SPECC1L: variants seen among roughly 807,000 people sequenced by gnomAD.
The protein encoded by SPECC1L is sperm antigen with calponin homology and coiled-coil domains 1 like.
SPECC1L carries 40 observed loss-of-function variants against 116.8 expected under a neutral mutation model. The ratio of observed to expected loss-of-function variants is 0.34; its 90% CI spans 0.27 to 0.45. The LOEUF (loss-of-function observed/expected upper bound fraction) is 0.45, where lower values mean the gene tolerates loss of function less well. Among genes scored for constraint, SPECC1L ranks in the 20% least tolerant of loss-of-function variants. The pLI, the probability that SPECC1L is intolerant of heterozygous loss-of-function variation, is 1.00. For synonymous variants in SPECC1L, 504 were observed against 500.6 expected, an observed-to-expected ratio of 1.01 and a Z score of -0.09; for missense variants, 1,110 against 1,373.6, an observed-to-expected ratio of 0.81 and a Z score of 3.03.
chr22:24,413,810 C>T (rs1215712640), intron 16 of SPECC1L, among the ~76,000 whole-genome samples: 1 of 152,170 alleles, frequency 6.6e-6, no homozygotes. Flanking sequence ...ACCAAGGGCG[C>T]CCTCCTGATC....
intron 4 of SPECC1L, among the ~76,000 whole-genome samples, chr22:24,314,068 G>A (rs2040512989): frequency 6.7e-6 from 1 of 149,722 alleles, no homozygotes. Context: ...TTTTTGAGAT[G>A]GAGTTTCGCT....
chr22:24,342,805 G>A (rs895089126), intron 10 of SPECC1L, among the ~76,000 whole-genome samples: 2 of 152,138 alleles, frequency 1.3e-5, no homozygotes, highest in Non-Finnish European at 2.9e-5. Context: ...CTGACTTGTG[G>A]GATGAAATTA....
At chr22:24,310,621 A>G (rs2040444076) in intron 3 of SPECC1L, among the ~76,000 whole-genome samples, 1 of 151,970 alleles carries the variant, frequency 6.6e-6, no homozygotes, top group Non-Finnish European at 1.5e-5. Flanking sequence ...GTGTGTTTGT[A>G]AACTGATTGT....
intron 3 of SPECC1L, among the ~76,000 whole-genome samples, chr22:24,304,880 A>G (rs2049459683): frequency 6.6e-6 from 1 of 152,230 alleles, no homozygotes; most frequent in Non-Finnish European, 1.5e-5. Context: ...GACTTAGAGA[A>G]GTATACGTAC....
intron 1 of SPECC1L, among the ~76,000 whole-genome samples, chr22:24,272,476 C>T (rs926138837): frequency 5.9e-5 from 9 of 152,106 alleles, no homozygotes; most frequent in African/African-American, 1.9e-4. Flanking sequence ...AGTTCGATAC[C>T]AGCCTGGCCA....
At chr22:24,359,348 T>G (rs2041597658) in intron 11 of SPECC1L, among the ~76,000 whole-genome samples, 1 of 152,210 alleles carries the variant, frequency 6.6e-6, no homozygotes, top group Non-Finnish European at 1.5e-5. Context: ...CATCAGACTT[T>G]TCTTCTGCAC....
At chr22:24,341,537 T>C (rs2041177285) in intron 10 of SPECC1L, among the ~76,000 whole-genome samples, 5 of 152,182 alleles carry the variant, frequency 3.3e-5, no homozygotes, top group Admixed American at 3.3e-4. Flanking sequence ...CCGTAAAAGA[T>C]CTTTAAAAAT....
At chr22:24,271,770 T>C (rs1210487096) in intron 1 of SPECC1L, among the ~76,000 whole-genome samples, 19 of 152,246 alleles carry the variant, frequency 1.2e-4, no homozygotes, top group Admixed American at 1.2e-3. Context: ...TTTGTTGATA[T>C]CCTTGATCAT....
At chr22:24,315,233 TC>T (rs1265177352) in intron 4 of SPECC1L, among the ~76,000 whole-genome samples, 2 of 152,264 alleles carry the variant, frequency 1.3e-5, no homozygotes, top group African/African-American at 4.8e-5. Context: ...TCCTTCCATT[TC>T]AGATTGGGCC....
chr22:24,314,189 C>T (rs769991526), intron 4 of SPECC1L, among the ~76,000 whole-genome samples: 6 of 152,048 alleles, frequency 3.9e-5, no homozygotes, highest in Admixed American at 1.3e-4. Context: ...GGACTACAGG[C>T]GCCCACCACC....
At chr22:24,310,232 G>A (rs1434563729) in intron 3 of SPECC1L, among the ~76,000 whole-genome samples, 1 of 152,128 alleles carries the variant, frequency 6.6e-6, no homozygotes, top group Non-Finnish European at 1.5e-5. Flanking sequence ...ATTCACTAAA[G>A]TGTACTTCAT....
intron 14 of SPECC1L, among the ~76,000 whole-genome samples, chr22:24,402,828 T>C (rs1459527372): frequency 6.6e-6 from 1 of 152,212 alleles, no homozygotes; most frequent in Non-Finnish European, 1.5e-5. Context: ...GGGAGTATAT[T>C]TTATGGCCCT....
chr22:24,380,156 C>T (rs1298962783), intron 14 of SPECC1L, among the ~76,000 whole-genome samples: 1 of 152,218 alleles, frequency 6.6e-6, no homozygotes, highest in East Asian at 1.9e-4. Context: ...AAGGCGTGAG[C>T]CACTGCACCT....
chr22:24,366,991 C>T (rs752967196), intron 13 of SPECC1L, among the ~76,000 whole-genome samples: 2 of 152,108 alleles, frequency 1.3e-5, no homozygotes, highest in African/African-American at 2.4e-5. Context: ...GTCAGCAGTT[C>T]GAGATCAGCC....
At chr22:24,363,711 AC>A (rs1195119398) in intron 12 of SPECC1L, among the ~76,000 whole-genome samples, 8 of 152,314 alleles carry the variant, frequency 5.3e-5, no homozygotes, top group African/African-American at 1.9e-4. Flanking sequence ...TGATTTAAGG[AC>A]TATAAAGAAT....
At chr22:24,329,063 G>T (rs967314424) in intron 7 of SPECC1L, 144 bp downstream of exon 7, 2 of 707,326 alleles carry the variant, frequency 2.8e-6, no homozygotes. Context: ...GAAAGCAAAT[G>T]CTATCATTTC....
At chr22:24,325,435 G>A (rs1346899649) in intron 6 of SPECC1L, among the ~76,000 whole-genome samples, 1 of 152,200 alleles carries the variant, frequency 6.6e-6, no homozygotes, top group African/African-American at 2.4e-5. Context: ...AGTCATGACT[G>A]TAGAGATTGT....
At chr22:24,288,065 A>G (rs1443709647) in intron 2 of SPECC1L, among the ~76,000 whole-genome samples, 5 of 152,154 alleles carry the variant, frequency 3.3e-5, no homozygotes, top group Admixed American at 2.0e-4. Flanking sequence ...GGCCCTGTGC[A>G]TAGATTTTCC....
intron 4 of SPECC1L, among the ~76,000 whole-genome samples, chr22:24,316,931 A>T (rs8136934): frequency 2.2e-5 from 2 of 89,108 alleles, no homozygotes; most frequent in Admixed American, 1.1e-4. Flanking sequence ...CCTCCCTCCC[A>T]GACGGGGCGG....
Sources: allele counts gnomAD v4.1 joint callset (sites outside exome capture counted in the v4.1 genomes callset), GRCh38; gene constraint gnomAD v4.1.1; transcripts MANE v1.5; gene names NCBI Gene and HGNC (gene_info 2026-07-23, HGNC 2026-07-21).